Variants in CASC3 observed in about 807,000 individuals in gnomAD.
CASC3 encodes protein CASC3.
CASC3 carries 30 observed loss-of-function variants against 80.5 expected under a neutral mutation model. The observed-to-expected ratio is 0.37, with a 90% CI of 0.28 to 0.51. The LOEUF is 0.51. Among genes scored for constraint, CASC3 ranks in the 20% least tolerant of loss-of-function variants. CASC3 has a pLI of 0.94. For synonymous variants in CASC3, 312 were observed against 333.6 expected (o/e 0.94, Z 0.70); for missense variants, 824 against 922.2 (o/e 0.89, Z 1.38).
In CASC3 at chr17:40,150,415, CGTGTGTGT is replaced by C. The variant is rs10545573; in HGVS notation, c.297+8831_297+8838del. On this transcript the variant is annotated intron_variant, in intron 3 of 13. Coordinates refer to ENST00000264645, the MANE Select transcript of CASC3 (RefSeq NM_007359.5). The stretch of plus-strand genomic sequence containing the variant: ...CTGCTTCAAAAAGTAAGAGTGTGTG[CGTGTGTGT>C]GTGTGTGTGTGTGTGTGTGTGTAAC... Among the ~76,000 whole-genome samples, 849 of 149,034 alleles carry C rather than the reference CGTGTGTGT, an allele frequency of 5.7e-3. 8 individuals carry two copies. The highest frequency in any genetic ancestry group is 0.018 in the African/African-American group (748 of 40,524).
At chr17:40,144,316 A>G (rs2145151952) in intron 3 of CASC3, among the ~76,000 whole-genome samples, 1 of 152,000 alleles carries the variant, frequency 6.6e-6, no homozygotes, top group Non-Finnish European at 1.5e-5. Flanking sequence ...CCTACTGTGT[A>G]CTCAACAAAA....
chr17:40,141,447 A>G (rs1567674858), intron 2 of CASC3, 123 bp from the exon 3 acceptor site: 2 of 916,786 alleles, frequency 2.2e-6, no homozygotes, highest in East Asian at 2.4e-5. Context: ...AGTGGGGACT[A>G]TAATTTTATC....
In CASC3 at chr17:40,169,158, T is replaced by A. The variant is rs950442548; in HGVS notation, c.1966-166T>A. The A allele has an allele frequency of 5.6e-6, 4 of 714,814 alleles. No individual in the cohort carries two copies. The Admixed American group carries it at 9.1e-5, about 16-fold the overall frequency. 44.3% of individuals were successfully genotyped at this position (714,814 alleles called of 1,614,324 possible). On this transcript the variant is annotated intron_variant, in intron 11 of 13. Coordinates refer to ENST00000264645, the MANE Select transcript of CASC3 (RefSeq NM_007359.5). ...AAAACCAGAGCATAATAATGAAGAA[T>A]TAAGGCAAAAATGAATAGTCACTTT...
Position 40,162,103 on chromosome 17 carries a change from G to T in CASC3, c.558G>T (p.Gly186=). 6.2e-7 allele frequency: 1 copy of T among 1,613,994 alleles called. No individual in the cohort carries two copies. The highest frequency in any genetic ancestry group is 8.5e-7 in the Non-Finnish European group (1 of 1,179,952). ...ATCCAGCATACATACCTCGGAAAGG[G>T]CTCTTCTTTGAGCATGATCTTCGAG... The part of the protein sequence containing the change: ...RKNPAYIPRK[G]LFFEHDLRGQ... The change falls in exon 5 of 14, where the codon GGG becomes GGT. Residue 186 remains glycine (G), a synonymous_variant. Transcript: ENST00000264645.
chr17:40,145,797 T>C (rs1988845554), intron 3 of CASC3, among the ~76,000 whole-genome samples: 1 of 151,938 alleles, frequency 6.6e-6, no homozygotes, highest in South Asian at 2.1e-4. Context: ...TGTTTGTTTG[T>C]TTTTTTAATT....
chr17:40,170,656 C>G lies in CASC3; in HGVS notation c.*251C>G. On this transcript the variant is annotated 3_prime_UTR_variant, in exon 14 of 14. Transcript: ENST00000264645. ...CTTGAGTTGGCTGTGTTCGGGGGAG[C>G]AGAGAGAGCCAGACAGCCCCAAGCT... 3 of 985,550 alleles carry G rather than the reference C, an allele frequency of 3.0e-6. No homozygotes were observed. Among genetic ancestry groups the G allele is most frequent in the Non-Finnish European group, 3.6e-6 (3 of 829,934 alleles). 61.1% of individuals were successfully genotyped at this position (985,550 alleles called of 1,614,324 possible).
Position 40,140,738 on chromosome 17 carries a change from G to C in CASC3, c.190G>C (p.Val64Leu). The change falls in exon 1 of 14, where the codon GTG becomes CTG. Residue 64 changes from valine (V) to leucine (L), a missense_variant. Val to Leu is a conservative substitution (Grantham distance 32). This residue lies in a region of CASC3 where 159 missense variants were observed against 122.2 expected (regional missense o/e 1.30). Transcript: ENST00000264645. ...GRTGALHLRR[V>L]ESGGAKSAEE... ...AACCGGGGCCCTTCATCTGCGGCGG[G>C]TGGAGAGCGGGGGCGCCAAGAGTGC... The C allele has an allele frequency of 6.5e-7, 1 of 1,537,772 alleles. No individual in the cohort carries two copies. Among genetic ancestry groups the C allele is most frequent in the Non-Finnish European group, 8.7e-7 (1 of 1,142,930 alleles).
intron 3 of CASC3, among the ~76,000 whole-genome samples, chr17:40,161,104 C>T (rs1013076511): frequency 2.0e-5 from 3 of 151,846 alleles, no homozygotes; most frequent in East Asian, 1.9e-4. Flanking sequence ...CTCAGCCTCC[C>T]GAGCAGCTGG....
chr17:40,170,718 T>C lies in CASC3; in HGVS notation c.*313T>C, dbSNP rs1451292819. On this transcript the variant is annotated 3_prime_UTR_variant, in exon 14 of 14. Coordinates refer to ENST00000264645, the MANE Select transcript of CASC3 (RefSeq NM_007359.5). Reference sequence around the variant, plus strand: ...ATACAGAAGCCCATGTCTTCTGCTGTTCTTCACTTCTGGGAAATTGAAGTG... The same window carrying C: ...ATACAGAAGCCCATGTCTTCTGCTGCTCTTCACTTCTGGGAAATTGAAGTG... 6.1e-6 allele frequency: 6 copies of C among 985,474 alleles called. No homozygotes were observed. The highest frequency in any genetic ancestry group is 7.2e-6 in the Non-Finnish European group (6 of 829,930). The allele number at this position is 985,474 out of a possible 1,614,324, so 61.0% of individuals were successfully genotyped here.
intron 3 of CASC3, among the ~76,000 whole-genome samples, chr17:40,151,494 A>G (rs945062489): frequency 8.6e-5 from 13 of 151,872 alleles, no homozygotes; most frequent in Non-Finnish European, 1.6e-4. Flanking sequence ...TTACAGGCGT[A>G]AGTCACCACG....
intron 3 of CASC3, among the ~76,000 whole-genome samples, chr17:40,155,044 C>A (rs1989111109): frequency 6.6e-6 from 1 of 151,884 alleles, no homozygotes; most frequent in African/African-American, 2.4e-5. Context: ...CACCCGCCAC[C>A]ACGCCCAGCT....
chr17:40,169,042 G>T, intron 11 of CASC3: 1 of 333,226 alleles, frequency 3.0e-6, no homozygotes, highest in Non-Finnish European at 5.4e-6. Flanking sequence ...ACATAATCAA[G>T]TATCTGTAGT....
Position 40,140,792 on chromosome 17 carries a change from A to AGGCGG in CASC3, c.231+21_231+25dup, listed in dbSNP as rs913627525. On this transcript the variant is annotated intron_variant, in intron 1 of 13. Coordinates refer to ENST00000264645, the MANE Select transcript of CASC3 (RefSeq NM_007359.5). ...GGAGTCGGAGTGTGTGAGTGCGCGC[A>AGGCGG]GGCGGGGCGGGGTGGGGACCGGGCG... is the stretch of plus-strand genomic sequence containing the variant. The AGGCGG allele has an allele frequency of 5.4e-6, 2 of 373,182 alleles. No homozygotes were observed. Among genetic ancestry groups the AGGCGG allele is most frequent in the East Asian group, 2.0e-4 (1 of 5,102 alleles). 23.1% of individuals were successfully genotyped at this position (373,182 alleles called of 1,614,324 possible). A position where few individuals can be genotyped will look rare whatever the true frequency, so the allele number is the denominator to read the frequency against.
At chr17:40,155,462 T>C (rs1050683818) in intron 3 of CASC3, among the ~76,000 whole-genome samples, 3 of 152,140 alleles carry the variant, frequency 2.0e-5, no homozygotes, top group African/African-American at 7.2e-5. Flanking sequence ...GTTTTACTTA[T>C]AATAAAGCAT....
chr17:40,165,753 T>G (rs1247633631), intron 7 of CASC3, among the ~76,000 whole-genome samples: 1 of 150,058 alleles, frequency 6.7e-6, no homozygotes, highest in Admixed American at 6.7e-5. Context: ...TAGATATAGT[T>G]TTTTTTTTTG....
Position 40,164,126 on chromosome 17 carries a change from T to G in CASC3, c.1431T>G (p.Ser477Arg), listed in dbSNP as rs951507454. The change falls in exon 7 of 14, where the codon AGT (serine) becomes AGG (arginine). Residue 477 changes from serine to arginine, a missense_variant. Ser to Arg is a moderately radical substitution (Grantham distance 110). Transcript: ENST00000264645. ...AQLNIAEQNW[S>R]PGQPSFLQPR... is the part of the protein sequence containing the mutation. ...TAAATATAGCAGAACAGAATTGGAG[T>G]CCGGGGCAGCCTTCTTTCCTGCAAC... is the stretch of plus-strand genomic sequence containing the variant. 6.2e-7 allele frequency: 1 copy of G among 1,611,170 alleles called. No individual in the cohort carries two copies. Among genetic ancestry groups the G allele is most frequent in the Non-Finnish European group, 8.5e-7 (1 of 1,179,454 alleles).
chr17:40,168,059 TC>T, intron 10 of CASC3, 111 bp downstream of exon 10: 3 of 1,313,072 alleles, frequency 2.3e-6, no homozygotes, highest in Non-Finnish European at 3.3e-6. Flanking sequence ...AGTCTGGCCA[TC>T]CTGGCTGCTT....
chr17:40,167,002 A>G, intron 8 of CASC3, 141 bp downstream of exon 8: 1 of 615,594 alleles, frequency 1.6e-6, no homozygotes, highest in Non-Finnish European at 2.7e-6. Flanking sequence ...TCTGTTGCCC[A>G]GGCTAGAGTG....
chr17:40,160,932 A>T (rs2145173761), intron 3 of CASC3, among the ~76,000 whole-genome samples: 1 of 151,860 alleles, frequency 6.6e-6, no homozygotes, highest in East Asian at 1.9e-4. Flanking sequence ...ATATGTATGT[A>T]TGTGTGTATT....
Sources: allele counts gnomAD v4.1 joint callset (sites outside exome capture counted in the v4.1 genomes callset), GRCh38; gene constraint gnomAD v4.1.1; regional missense constraint gnomAD v4.1.1; transcripts MANE v1.5; gene names NCBI Gene and HGNC (gene_info 2026-07-23, HGNC 2026-07-21).